The following SH3GLB1 variants were observed in gnomAD, a reference collection of about 807,000 sequenced individuals.
The protein encoded by SH3GLB1 is endophilin-B1.
SH3GLB1 carries 17 observed loss-of-function variants against 42.0 expected under a neutral mutation model. That is an observed-to-expected ratio of 0.40 (90% CI 0.28 to 0.61). The LOEUF is 0.61. Among genes scored for constraint, SH3GLB1 ranks in the 20% least tolerant of loss-of-function variants. The pLI, the probability that SH3GLB1 is intolerant of heterozygous loss-of-function variation, is 0.36. For missense variants in SH3GLB1, 355 were observed against 426.3 expected, an observed-to-expected ratio of 0.83 and a Z score of 1.47; for synonymous variants, 132 against 146.6, an observed-to-expected ratio of 0.90 and a Z score of 0.72.
chr1:86,705,054 G>C (rs1170366715), intron 1 of SH3GLB1, 83 bp downstream of exon 1: 4 of 937,616 alleles, frequency 4.3e-6, no homozygotes, highest in Non-Finnish European at 6.3e-6. Context: ...GGCGCCCCCG[G>C]GCCTCGCCGA....
intron 2 of SH3GLB1, among the ~76,000 whole-genome samples, chr1:86,718,306 A>T (rs1410708959): frequency 6.6e-6 from 1 of 152,072 alleles, no homozygotes; most frequent in South Asian, 2.1e-4. Flanking sequence ...TTGGCCTCCC[A>T]AAGTGCTGGG....
intron 5 of SH3GLB1, among the ~76,000 whole-genome samples, chr1:86,732,568 T>C (rs1458713326): frequency 1.3e-5 from 2 of 152,162 alleles, no homozygotes; most frequent in South Asian, 2.1e-4. Flanking sequence ...GCACTAAAAC[T>C]TGTTCAAGAA....
rs1170342580 is a variant in SH3GLB1 at position 86,745,937 on chromosome 1, C to T, written c.*2702C>T. 6.6e-6 allele frequency: 1 copy of T among 152,360 alleles called. No homozygotes were observed. The highest frequency in any genetic ancestry group is 1.9e-4 in the East Asian group (1 of 5,186). The allele number at this position is 152,360 out of a possible 1,614,324, so 9.4% of individuals were successfully genotyped here. ...TGAAAAACTAAAATAATTGTAGGCT[C>T]TTCTATAAATGAAAAAAAAAGTGAT... On this transcript the variant is annotated 3_prime_UTR_variant, in exon 9 of 9. Coordinates refer to ENST00000370558, the MANE Select transcript of SH3GLB1 (RefSeq NM_016009.5).
At chr1:86,712,946 C>T (rs932015418) in intron 1 of SH3GLB1, among the ~76,000 whole-genome samples, 3 of 152,090 alleles carry the variant, frequency 2.0e-5, no homozygotes, top group Admixed American at 6.6e-5. Context: ...GAGGTAGTAT[C>T]ATGAGAGTCA....
chr1:86,704,825 T>C lies in SH3GLB1; in HGVS notation c.-75T>C. 2.0e-6 allele frequency: 2 copies of C among 1,010,162 alleles called. No individual in the cohort carries two copies. The highest frequency in any genetic ancestry group is 2.9e-6 in the Non-Finnish European group (2 of 691,582). The allele number at this position is 1,010,162 out of a possible 1,614,324, so 62.6% of individuals were successfully genotyped here. On this transcript the variant is annotated 5_prime_UTR_variant, in exon 1 of 9. Coordinates refer to ENST00000370558, the MANE Select transcript of SH3GLB1 (RefSeq NM_016009.5). ...ACGTCTGCCCTCGCCGCTCTAGCCC[T>C]GCGCCCCAGCCCGGCCGCGGCACCT...
chr1:86,727,934 G>T (rs72961623), intron 5 of SH3GLB1, among the ~76,000 whole-genome samples: 5,650 of 152,020 alleles, frequency 0.037, 249 homozygotes, highest in African/African-American at 0.1. Context: ...TGAATTTAAG[G>T]TTTACTAGAA....
chr1:86,743,815 T>C lies in SH3GLB1; in HGVS notation c.*580T>C, dbSNP rs1163291710. The stretch of plus-strand genomic sequence containing the variant: ...TGTTTTGATGGGTTATTTTCAGAGT[T>C]GTTTGGTTTTTTAAACACTACTGAA... On this transcript the variant is annotated 3_prime_UTR_variant, in exon 9 of 9. Coordinates refer to ENST00000370558, the MANE Select transcript of SH3GLB1 (RefSeq NM_016009.5). 6.6e-6 allele frequency: 1 copy of C among 152,616 alleles called. No homozygotes were observed. Among genetic ancestry groups the C allele is most frequent in the Non-Finnish European group, 1.5e-5 (1 of 68,014 alleles). The allele number at this position is 152,616 out of a possible 1,614,324, so 9.5% of individuals were successfully genotyped here.
chr1:86,743,327 T>A lies in SH3GLB1; in HGVS notation c.*92T>A. The stretch of plus-strand genomic sequence containing the variant: ...GCAGGTTAAGTATCTTCCATGTTAA[T>A]GTGTTAAGAGACTGAAAATACCAGC... On this transcript the variant is annotated 3_prime_UTR_variant, in exon 9 of 9. Transcript: ENST00000370558. The A allele has an allele frequency of 2.5e-6, 2 of 800,108 alleles. No individual in the cohort carries two copies. Among genetic ancestry groups the A allele is most frequent in the Middle Eastern group, 2.5e-4 (1 of 4,046 alleles). The allele number at this position is 800,108 out of a possible 1,614,324, so 49.6% of individuals were successfully genotyped here.
chr1:86,715,713 A>G lies in SH3GLB1; in HGVS notation c.73-11A>G, dbSNP rs753408829. On this transcript the variant is annotated splice_polypyrimidine_tract_variant and intron_variant, in intron 1 of 8. Transcript: ENST00000370558. ...CAGTATATTTAATTTTTGTTTTACA[A>G]TCAATAACAGTTCACAGAAGAAAAG... 1.9e-6 allele frequency: 3 copies of G among 1,579,378 alleles called. No homozygotes were observed. The highest frequency in any genetic ancestry group is 2.8e-5 in the African/African-American group (2 of 72,448).
At chr1:86,734,811 T>C (rs1324189162) in intron 6 of SH3GLB1, 120 bp downstream of exon 6, 1 of 687,772 alleles carries the variant, frequency 1.5e-6, no homozygotes, top group African/African-American at 1.8e-5. Context: ...TGTTCTACTT[T>C]CCAATATATC....
intron 1 of SH3GLB1, among the ~76,000 whole-genome samples, chr1:86,706,342 A>G (rs572384659): frequency 9.8e-5 from 15 of 152,354 alleles, no homozygotes; most frequent in African/African-American, 3.6e-4. Flanking sequence ...GAGCATTTCC[A>G]TATCAACAAG....
chr1:86,718,899 T>G (rs532591239), intron 2 of SH3GLB1, among the ~76,000 whole-genome samples: 1 of 152,250 alleles, frequency 6.6e-6, no homozygotes, highest in African/African-American at 2.4e-5. Context: ...GAATGCATGC[T>G]CAGAGATATA....
intron 7 of SH3GLB1, among the ~76,000 whole-genome samples, chr1:86,740,831 G>T (rs1301673710): frequency 6.6e-6 from 1 of 152,094 alleles, no homozygotes. Context: ...ATGTCAGTGA[G>T]CCAGGTGATA....
chr1:86,729,079 G>A (rs1462908920), intron 5 of SH3GLB1, among the ~76,000 whole-genome samples: 1 of 152,162 alleles, frequency 6.6e-6, no homozygotes, highest in Non-Finnish European at 1.5e-5. Context: ...CAATGTATAT[G>A]TTGAGCTTAG....
chr1:86,710,321 G>A (rs963921873), intron 1 of SH3GLB1, among the ~76,000 whole-genome samples: 2 of 151,106 alleles, frequency 1.3e-5, no homozygotes, highest in Admixed American at 6.6e-5. Flanking sequence ...CTGGAGTGCA[G>A]TGGCACGATC....
At chr1:86,706,196 A>G (rs1378319955) in intron 1 of SH3GLB1, among the ~76,000 whole-genome samples, 1 of 152,276 alleles carries the variant, frequency 6.6e-6, no homozygotes, top group African/African-American at 2.4e-5. Context: ...TTGCACAACT[A>G]GTAAATAACC....
chr1:86,735,052 A>G (rs1314342034), intron 6 of SH3GLB1, 27 bp from the exon 7 acceptor site: 2 of 1,564,074 alleles, frequency 1.3e-6, no homozygotes, highest in South Asian at 2.2e-5. Flanking sequence ...TATACAGCTA[A>G]GAACTAACTA....
At chr1:86,741,203 A>G (rs1191438518) in intron 7 of SH3GLB1, among the ~76,000 whole-genome samples, 1 of 152,172 alleles carries the variant, frequency 6.6e-6, no homozygotes, top group Non-Finnish European at 1.5e-5. Context: ...AGGTTTAGAG[A>G]AGAGGTTAAG....
Position 86,742,437 on chromosome 1 carries a change from G to GT in SH3GLB1, c.990+2dup. ...TGAATTATCACTTCTGGCAGATGAG[G>GT]TGAGTATTGTGGGTATGAGAAGGAA... On this transcript the variant is annotated splice_donor_variant, in intron 8 of 8. Transcript: ENST00000370558. LOFTEE classifies it high-confidence loss of function. The GT allele has an allele frequency of 6.2e-7, 1 of 1,610,900 alleles. No individual in the cohort carries two copies. Among genetic ancestry groups the GT allele is most frequent in the South Asian group, 1.1e-5 (1 of 91,020 alleles).
Sources: allele counts gnomAD v4.1 joint callset (sites outside exome capture counted in the v4.1 genomes callset), GRCh38; gene constraint gnomAD v4.1.1; transcripts MANE v1.5; gene names NCBI Gene and HGNC (gene_info 2026-07-23, HGNC 2026-07-21).